Variants in PLCB4 observed in about 807,000 individuals in gnomAD.
PLCB4 encodes the protein phospholipase C beta 4, also known as 1-phosphatidylinositol 4,5-bisphosphate phosphodiesterase beta-4.
In PLCB4, 77 loss-of-function variants were observed where a neutral mutation model predicts 178.8. That is an observed-to-expected ratio of 0.43 (90% CI 0.36 to 0.52). The LOEUF is 0.52. PLCB4 is among the 20% of genes least tolerant of loss of function. The pLI, the probability that PLCB4 is intolerant of heterozygous loss-of-function variation, is 0.00. For synonymous variants in PLCB4, 496 were observed against 490.8 expected, an observed-to-expected ratio of 1.01 and a Z score of -0.14; for missense variants, 1,024 against 1,453.4, an observed-to-expected ratio of 0.70 and a Z score of 4.80.
At chr20:9,233,502 G>A (rs1428476638) in intron 3 of PLCB4, among the ~76,000 whole-genome samples, 1 of 152,080 alleles carries the variant, frequency 6.6e-6, no homozygotes, top group Non-Finnish European at 1.5e-5. Context: ...GAAAATAAAA[G>A]GAAGTGGTAT....
At chr20:9,453,007 A>G (rs1240349146) in intron 32 of PLCB4, among the ~76,000 whole-genome samples, 2 of 152,232 alleles carry the variant, frequency 1.3e-5, no homozygotes, top group African/African-American at 2.4e-5. Flanking sequence ...TACATGTCTC[A>G]AACAGCAGAA....
intron 3 of PLCB4, among the ~76,000 whole-genome samples, chr20:9,262,695 A>T (rs535304865): frequency 6.6e-6 from 1 of 152,214 alleles, no homozygotes; most frequent in Non-Finnish European, 1.5e-5. Flanking sequence ...GGATATGGAC[A>T]TGAACTATTT....
At chr20:9,422,543 A>G (rs2040716261) in intron 27 of PLCB4, among the ~76,000 whole-genome samples, 2 of 152,124 alleles carry the variant, frequency 1.3e-5, no homozygotes, top group Admixed American at 1.3e-4. Context: ...ATCCCTACTC[A>G]CATTTCTAGA....
rs1242629996 is a variant in PLCB4, at chr20:9,479,869, T to G, written c.*860T>G. On this transcript the variant is annotated 3_prime_UTR_variant, in exon 40 of 40. Transcript: ENST00000378473. ...TTAGTAAACAGGAATACTAGAACTATGTTTGCATGATACACAAGCACCAAT... is the reference window on the plus strand; with the variant it reads ...TTAGTAAACAGGAATACTAGAACTAGGTTTGCATGATACACAAGCACCAAT... 4 of 152,538 alleles carry G rather than the reference T, an allele frequency of 2.6e-5. No homozygotes were observed. The highest frequency in any genetic ancestry group is 7.2e-5 in the African/African-American group (3 of 41,454). The allele number at this position is 152,538 out of a possible 1,614,324, so 9.4% of individuals were successfully genotyped here.
intron 3 of PLCB4, among the ~76,000 whole-genome samples, chr20:9,257,703 T>G (rs902041225): frequency 6.6e-6 from 1 of 152,104 alleles, no homozygotes; most frequent in Middle Eastern, 3.2e-3. Flanking sequence ...CCTTTTGGCT[T>G]CGAGATCTTT....
At chr20:9,126,704 A>G (rs2092122847) in intron 2 of PLCB4, among the ~76,000 whole-genome samples, 1 of 152,096 alleles carries the variant, frequency 6.6e-6, no homozygotes, top group Non-Finnish European at 1.5e-5. Context: ...CATTAAGCAC[A>G]ACAAACCAGC....
At chr20:9,424,505 A>G (rs898074166) in intron 28 of PLCB4, among the ~76,000 whole-genome samples, 1 of 152,210 alleles carries the variant, frequency 6.6e-6, no homozygotes, top group Admixed American at 6.5e-5. Context: ...TATGGCCTCC[A>G]TCTAAGCCAA....
chr20:9,292,764 T>C lies in PLCB4; in HGVS notation c.-15-15036T>C, dbSNP rs149342421. On this transcript the variant is annotated intron_variant, in intron 3 of 39. Coordinates refer to ENST00000378473, the MANE Select transcript of PLCB4 (RefSeq NM_001377142.1). ...TCAGGATACTGGAGAGAGGAGCAGG[T>C]ATACACAGAAATGGTACTAAAGTGT... is the stretch of plus-strand genomic sequence containing the variant. Among the ~76,000 whole-genome samples the C allele has an allele frequency of 8.5e-4, 130 of 152,164 alleles. 1 individual carries two copies. The East Asian group carries it at 0.02, about 24-fold the overall frequency.
At chr20:9,429,715 C>T (rs1233104279) in intron 28 of PLCB4, among the ~76,000 whole-genome samples, 1 of 152,156 alleles carries the variant, frequency 6.6e-6, no homozygotes, top group African/African-American at 2.4e-5. Flanking sequence ...TCGTATCTAC[C>T]TATCCATATG....
At position 9,251,738 on chromosome 20, in the gene PLCB4, A is replaced by G. The variant is rs143807087; in HGVS notation, c.-16+34286A>G. The stretch of plus-strand genomic sequence containing the variant: ...GCAATAATAAATGACTGGCAATAAT[A>G]AAGACCTCAATTCCCTTTGATCTTG... On this transcript the variant is annotated intron_variant, in intron 3 of 39. Coordinates refer to ENST00000378473, the MANE Select transcript of PLCB4 (RefSeq NM_001377142.1). 3.9e-3 allele frequency among the ~76,000 whole-genome samples: 575 copies of G among 148,242 alleles called. 4 individuals carry two copies. Among genetic ancestry groups the G allele is most frequent in the Non-Finnish European group, 6.5e-3 (433 of 66,304 alleles).
In PLCB4 at chr20:9,339,004, C is replaced by T; in HGVS notation, c.336C>T (p.Thr112=). Residue 112 remains threonine (T), a synonymous_variant, in exon 7 of 40, where the codon ACC becomes ACT. Transcript: ENST00000378473. ...SGTDLVNISF[T]YMVAENPEVT... ...CAGATCTAGTGAACATTAGTTTTAC[C>T]TACATGGTGGCTGAAAATCCAGAAG... The T allele has an allele frequency of 6.2e-7, 1 of 1,613,192 alleles. No homozygotes were observed. Among genetic ancestry groups the T allele is most frequent in the East Asian group, 2.2e-5 (1 of 44,832 alleles).
intron 2 of PLCB4, among the ~76,000 whole-genome samples, chr20:9,162,182 T>C (rs1458835368): frequency 6.6e-6 from 1 of 152,216 alleles, no homozygotes; most frequent in Non-Finnish European, 1.5e-5. Context: ...TCTGCTAATT[T>C]GTCCCTTGTT....
intron 26 of PLCB4, among the ~76,000 whole-genome samples, chr20:9,420,305 A>G (rs909948750): frequency 1.2e-4 from 18 of 152,060 alleles, no homozygotes; most frequent in Admixed American, 9.8e-4. Flanking sequence ...AGATGTGCTC[A>G]TATGTCCCAA....
intron 2 of PLCB4, among the ~76,000 whole-genome samples, chr20:9,144,737 G>GAGGAGAAGA (rs2092564364): frequency 5.7e-5 from 2 of 35,342 alleles, no homozygotes; most frequent in African/African-American, 1.3e-4. Context: ...GGAGGGGAAG[G>GAGGAGAAGA]AGGGGAAGGA....
At chr20:9,385,734 C>T (rs11999766) in intron 14 of PLCB4, among the ~76,000 whole-genome samples, 4,797 of 143,978 alleles carry the variant, frequency 0.033, 80 homozygotes, top group Middle Eastern at 0.091. Context: ...GCTTCCCAGA[C>T]GGGGCGGCCG....
In PLCB4 at chr20:9,408,820, C is replaced by A. The variant is rs73248724; in HGVS notation, c.1874+103C>A. 0.012 allele frequency: 8,806 copies of A among 728,006 alleles called. 562 individuals are homozygous for A. The African/African-American group carries it at 0.14, about 11-fold the overall frequency. 45.1% of individuals were successfully genotyped at this position (728,006 alleles called of 1,614,324 possible). A position where few individuals can be genotyped will look rare whatever the true frequency, so the allele number is the denominator to read the frequency against. ...AATATCTCATTCTGGTGGTGGAGTT[C>A]ATAAAATGATATGTGGGAAAGACCA... On this transcript the variant is annotated intron_variant, in intron 23 of 39. Transcript: ENST00000378473.
intron 14 of PLCB4, among the ~76,000 whole-genome samples, chr20:9,387,146 C>T (rs6086868): frequency 6.6e-6 from 1 of 151,954 alleles, no homozygotes; most frequent in Non-Finnish European, 1.5e-5. Flanking sequence ...ATCCGCCTTC[C>T]TAGGACACAC....
At chr20:9,366,178 G>A (rs2035764228) in intron 9 of PLCB4, among the ~76,000 whole-genome samples, 1 of 148,164 alleles carries the variant, frequency 6.7e-6, no homozygotes, top group Non-Finnish European at 1.5e-5. Flanking sequence ...TCACAGGTCA[G>A]GAGATCAACA....
intron 2 of PLCB4, among the ~76,000 whole-genome samples, chr20:9,150,094 T>C (rs2092666583): frequency 6.6e-6 from 1 of 152,328 alleles, no homozygotes; most frequent in Non-Finnish European, 1.5e-5. Flanking sequence ...GAATCAATTC[T>C]TCAGTCCTGA....
Sources: allele counts gnomAD v4.1 joint callset (sites outside exome capture counted in the v4.1 genomes callset), GRCh38; gene constraint gnomAD v4.1.1; transcripts MANE v1.5; gene names NCBI Gene and HGNC (gene_info 2026-07-23, HGNC 2026-07-21).